The following GLB1L variants were observed in gnomAD, a reference collection of about 807,000 sequenced individuals.
GLB1L encodes the protein beta-galactosidase-1-like protein.
Under a neutral mutation model 75.7 loss-of-function variants are expected in GLB1L, and 58 were observed. The observed-to-expected ratio is 0.77, with a 90% CI of 0.62 to 0.95. The LOEUF (loss-of-function observed/expected upper bound fraction) is 0.95, where lower values mean the gene tolerates loss of function less well. Among genes scored for constraint, GLB1L ranks in the 40% least tolerant of loss-of-function variants. The pLI is 0.00. For synonymous variants in GLB1L, 296 were observed against 303.0 expected (o/e 0.98, Z 0.24); for missense variants, 797 against 805.5 (o/e 0.99, Z 0.13).
In GLB1L at chr2:219,239,627, G is replaced by C. The variant is rs144186863; in HGVS notation, c.836C>G (p.Thr279Arg). ...TTTGGTTACAGCTGACACAGACCGTGTGGAGTGATTCTGGCCCCAGTAATC... is the reference window on the plus strand; with the variant it reads ...TTTGGTTACAGCTGACACAGACCGTCTGGAGTGATTCTGGCCCCAGTAATC... ...WLDYWGQNHSTRSVSAVTKGL... is the reference protein window; with the variant it reads ...WLDYWGQNHSRRSVSAVTKGL... Residue 279 changes from threonine to arginine, a missense_variant, in exon 9 of 17, where the codon ACA becomes AGA. Transcript: ENST00000295759. 45 of 1,614,206 alleles carry C rather than the reference G, an allele frequency of 2.8e-5. No homozygotes were observed. The African/African-American group carries it at 3.6e-4, about 13-fold the overall frequency.
chr2:219,243,066 C>G, intron 3 of GLB1L, 82 bp downstream of exon 3: 1 of 1,549,024 alleles, frequency 6.5e-7, no homozygotes, highest in Non-Finnish European at 8.8e-7. Context: ...TCCTGGCAGT[C>G]TTCCTGTCCC....
At position 219,240,324 on chromosome 2, in the gene GLB1L, A is replaced by G. The variant is rs1331856858; in HGVS notation, c.452-39T>C. ...CAGAGCTTCTGTGTTAGGTGCTACC[A>G]TCACACTTGCTCACCACTAAATATG... On this transcript the variant is annotated intron_variant, in intron 5 of 16. Transcript: ENST00000295759. The G allele has an allele frequency of 3.4e-6, 5 of 1,483,070 alleles. No homozygotes were observed. The African/African-American group carries it at 6.9e-5, about 21-fold the overall frequency. 91.9% of individuals were successfully genotyped at this position (1,483,070 alleles called of 1,614,324 possible). A position where few individuals can be genotyped will look rare whatever the true frequency, so the allele number is the denominator to read the frequency against.
chr2:219,238,087 G>T (rs1409295943), intron 14 of GLB1L, 130 bp from the exon 15 acceptor site: 5 of 1,106,374 alleles, frequency 4.5e-6, no homozygotes, highest in Non-Finnish European at 5.3e-6. Context: ...ATCTATTCTA[G>T]AATTCTATCC....
In GLB1L at chr2:219,237,197, G is replaced by A. The variant is rs373655923; in HGVS notation, c.1840C>T (p.Pro614Ser). ...GGCTTATCCAAAAATTGGACTTGGG[G>A]CTGGAGAGGTACATCTTCTAGTTCC... The part of the protein sequence containing the change: ...LLELEDVPLQ[P>S]QVQFLDKPIL... The change falls in exon 17 of 17, where the codon CCC (proline) becomes TCC (serine). Residue 614 changes from proline (P) to serine (S), a missense_variant. By Grantham distance (74) the Pro-to-Ser change is moderately conservative. Coordinates refer to ENST00000295759, the MANE Select transcript of GLB1L (RefSeq NM_001286423.2). 13 of 1,614,146 alleles carry A rather than the reference G, an allele frequency of 8.1e-6. No homozygotes were observed. The highest frequency in any genetic ancestry group is 1.1e-5 in the Non-Finnish European group (13 of 1,180,028).
intron 5 of GLB1L, among the ~76,000 whole-genome samples, chr2:219,241,820 C>T (rs1951401448): frequency 6.6e-6 from 1 of 152,056 alleles, no homozygotes; most frequent in Non-Finnish European, 1.5e-5. Context: ...CAGGATCACA[C>T]TGGCTACTCT....
Position 219,237,881 on chromosome 2 carries a change from A to C in GLB1L, c.1418T>G (p.Ile473Ser), listed in dbSNP as rs778984485. 3.7e-6 allele frequency: 6 copies of C among 1,614,196 alleles called. No homozygotes were observed. The South Asian group carries it at 6.6e-5, about 18-fold the overall frequency. ...LTGKLGSKLD[I>S]LVENMGRLSF... ...GAGCCTCCCCATGTTCTCCACCAAG[A>C]TATCCAGTTTGGACCCCAGTTTCCC... Residue 473 changes from isoleucine (I) to serine (S), a missense_variant, in exon 15 of 17, where the codon ATC (isoleucine) becomes AGC (serine). Coordinates refer to ENST00000295759, the MANE Select transcript of GLB1L (RefSeq NM_001286423.2).
At position 219,237,304 on chromosome 2, in the gene GLB1L, G is replaced by A. The variant is rs748682402; in HGVS notation, c.1733C>T (p.Thr578Ile). ...GAGGGTCTGTTGTGGCCCCTGCTTT[G>A]TCCAGTACCGGCCCAAGTTAAACCC... is the stretch of plus-strand genomic sequence containing the variant. ...INGFNLGRYW[T>I]KQGPQQTLYV... Residue 578 changes from threonine to isoleucine, a missense_variant, in exon 17 of 17, where the codon ACA becomes ATA. By Grantham distance (89) the Thr-to-Ile change is moderately conservative. Coordinates refer to ENST00000295759, the MANE Select transcript of GLB1L (RefSeq NM_001286423.2). 1 of 1,614,072 alleles carries A rather than the reference G, an allele frequency of 6.2e-7. No homozygotes were observed. The highest frequency in any genetic ancestry group is 8.5e-7 in the Non-Finnish European group (1 of 1,180,014).
intron 1 of GLB1L, 56 bp from the exon 2 acceptor site, chr2:219,243,699 T>G: frequency 2.3e-6 from 2 of 873,540 alleles, no homozygotes; most frequent in Non-Finnish European, 3.7e-6. Flanking sequence ...TAGCCTGGAC[T>G]TCCTCTCCAG....
At chr2:219,241,038 G>GT (rs1420669921) in intron 5 of GLB1L, among the ~76,000 whole-genome samples, 1 of 150,022 alleles carries the variant, frequency 6.7e-6, no homozygotes, top group African/African-American at 2.5e-5. Context: ...CCAAGGTCAC[G>GT]TGACTGCACT....
chr2:219,242,467 C>T, intron 5 of GLB1L, 47 bp downstream of exon 5: 1 of 1,373,552 alleles, frequency 7.3e-7, no homozygotes, highest in Non-Finnish European at 1.0e-6. Context: ...CCCAAATAGC[C>T]CATTTTACTT....
intron 2 of GLB1L, 54 bp from the exon 3 acceptor site, chr2:219,243,368 T>C: frequency 1.3e-6 from 2 of 1,590,790 alleles, no homozygotes; most frequent in Non-Finnish European, 1.7e-6. Flanking sequence ...GCGTCGAGGG[T>C]CAGCGCCTGC....
chr2:219,242,952 GAAGAGACGCCAGGGAGGCCTA>G (rs1285845823), intron 3 of GLB1L, 34 bp from the exon 4 acceptor site: 1 of 1,612,874 alleles, frequency 6.2e-7, no homozygotes, highest in East Asian at 2.2e-5. Context: ...GAACCAAGGT[GAAGAGACGCCAGGGAGGCCTA>G]ACGGCTCAGG....
In GLB1L at chr2:219,243,396, G is replaced by C. The variant is rs192255569; in HGVS notation, c.73-82C>G. 6.5e-5 allele frequency: 103 copies of C among 1,592,088 alleles called. 1 individual carries two copies. Among genetic ancestry groups the C allele is most frequent in the African/African-American group, 2.7e-5 (2 of 74,608 alleles). ...GCGCCTGCCAAGAGCGGAAGAGATG[G>C]AACTAGCCCTGCGGGTTGTTTGGTT... On this transcript the variant is annotated intron_variant, in intron 2 of 16. Transcript: ENST00000295759.
At position 219,236,831 on chromosome 2, in the gene GLB1L, C is replaced by A; in HGVS notation, c.*241G>T. 1 of 399,526 alleles carries A rather than the reference C, an allele frequency of 2.5e-6. No individual in the cohort carries two copies. The highest frequency in any genetic ancestry group is 4.5e-6 in the Non-Finnish European group (1 of 221,724). The allele number at this position is 399,526 out of a possible 1,614,324, so 24.7% of individuals were successfully genotyped here. A position where few individuals can be genotyped will look rare whatever the true frequency, so the allele number is the denominator to read the frequency against. On this transcript the variant is annotated 3_prime_UTR_variant, in exon 17 of 17. Transcript: ENST00000295759. ...CCAGGCTGGAGTGCAGTGGTACAAC[C>A]TCCACTCACTGCAACCTCTGCCTCC...
chr2:219,239,430 G>T lies in GLB1L; in HGVS notation c.924C>A (p.Thr308=). 1.2e-6 allele frequency: 2 copies of T among 1,604,128 alleles called. No homozygotes were observed. The highest frequency in any genetic ancestry group is 1.3e-5 in the African/African-American group (1 of 74,836). ...ACTCACCATTCCAATATCCAAAGTT[G>T]GTACCTCCATGGAACATGTACCTGA... ...SVNMYMFHGG[T]NFGYWNGADK... Residue 308 remains threonine (T), a synonymous_variant, in exon 10 of 17, where the codon ACC becomes ACA. Coordinates refer to ENST00000295759, the MANE Select transcript of GLB1L (RefSeq NM_001286423.2).
Position 219,237,968 on chromosome 2 carries a change from G to A in GLB1L, c.1342-11C>T. ...AACACCCTGGAACACCTGTGGATAGGAGATAGGATAGGAGCAAGGCTCAGC... is the reference window on the plus strand; with the variant it reads ...AACACCCTGGAACACCTGTGGATAGAAGATAGGATAGGAGCAAGGCTCAGC... On this transcript the variant is annotated splice_polypyrimidine_tract_variant and intron_variant, in intron 14 of 16. Coordinates refer to ENST00000295759, the MANE Select transcript of GLB1L (RefSeq NM_001286423.2). 1 of 1,613,886 alleles carries A rather than the reference G, an allele frequency of 6.2e-7. No homozygotes were observed.
Position 219,237,170 on chromosome 2 carries a change from T to C in GLB1L, c.1867A>G (p.Ile623Val), listed in dbSNP as rs138413810. ...QPQVQFLDKP[I>V]LNSTSTLHRT... ...TGCAAAGTACTAGTGCTATTGAGGA[T>C]AGGCTTATCCAAAAATTGGACTTGG... The change falls in exon 17 of 17, where the codon ATC (isoleucine) becomes GTC (valine). Residue 623 changes from isoleucine (I) to valine (V), a missense_variant. Physicochemically the swap from Ile to Val is conservative, Grantham distance 29. Coordinates refer to ENST00000295759, the MANE Select transcript of GLB1L (RefSeq NM_001286423.2). The C allele has an allele frequency of 4.7e-5, 76 of 1,614,012 alleles. No homozygotes were observed. Among genetic ancestry groups the C allele is most frequent in the Non-Finnish European group, 5.8e-5 (69 of 1,179,994 alleles).
chr2:219,241,931 G>A (rs1433471486), intron 5 of GLB1L, among the ~76,000 whole-genome samples: 1 of 152,064 alleles, frequency 6.6e-6, no homozygotes, highest in Non-Finnish European at 1.5e-5. Context: ...CAGGGTGGGG[G>A]CAATGGGGGT....
chr2:219,238,157 C>A, intron 14 of GLB1L, 93 bp downstream of exon 14: 1 of 1,072,346 alleles, frequency 9.3e-7, no homozygotes. Context: ...CGTGAACAGG[C>A]AGGTGGGAAA....
Sources: gnomAD v4.1 joint callset for allele counts (sites outside exome capture counted in the v4.1 genomes callset) on GRCh38, gnomAD v4.1.1 for gene constraint, MANE v1.5 for transcripts, NCBI Gene and HGNC (gene_info 2026-07-23, HGNC 2026-07-21) for gene names.